The following CTNND2 variants were observed in gnomAD, a reference collection of about 807,000 sequenced individuals.
The protein encoded by CTNND2 is catenin delta-2.
A neutral mutation model predicts 144.4 loss-of-function variants in CTNND2; 22 were observed. The observed-to-expected ratio is 0.15, with a 90% CI of 0.11 to 0.22. The LOEUF (loss-of-function observed/expected upper bound fraction) is 0.22. Among genes scored for constraint, CTNND2 ranks in the 10% least tolerant of loss-of-function variants. The probability of loss-of-function intolerance (pLI) is 1.00; values close to 1 mark genes in which losing one functional copy is unlikely to be tolerated. For missense variants in CTNND2, 1,353 were observed against 1,618.8 expected (o/e 0.84, Z 2.82); for synonymous variants, 751 against 695.6 (o/e 1.08, Z -1.25).
At chr5:11,049,006 C>A (rs1420854500) in intron 16 of CTNND2, among the ~76,000 whole-genome samples, 1 of 152,158 alleles carries the variant, frequency 6.6e-6, no homozygotes, top group African/African-American at 2.4e-5. Context: ...CCAGTTGTGA[C>A]AACAAAAAAT....
At chr5:11,777,643 T>C (rs1440944864) in intron 1 of CTNND2, among the ~76,000 whole-genome samples, 1 of 152,114 alleles carries the variant, frequency 6.6e-6, no homozygotes, top group African/African-American at 2.4e-5. Flanking sequence ...TTGGGGACTG[T>C]GCCTAAAGCA....
rs1211080398 is a variant in CTNND2 at position 11,368,659 on chromosome 5, T to C, written c.1178-3769A>G. On this transcript the variant is annotated intron_variant, in intron 7 of 21. Coordinates refer to ENST00000304623, the MANE Select transcript of CTNND2 (RefSeq NM_001332.4). The stretch of plus-strand genomic sequence containing the variant: ...GCCTCAGGGTGTTGATGTTCAATAG[T>C]TTGAGGTAAACAGAAATGGTATCTA... 3.9e-5 allele frequency among the ~76,000 whole-genome samples: 6 copies of C among 152,308 alleles called. No individual in the cohort carries two copies. The East Asian group carries it at 1.2e-3, about 29-fold the overall frequency.
intron 3 of CTNND2, among the ~76,000 whole-genome samples, chr5:11,489,983 C>A (rs1031115213): frequency 6.6e-6 from 1 of 152,138 alleles, no homozygotes; most frequent in African/African-American, 2.4e-5. Context: ...GCAGCCAGCC[C>A]AGTACCACTC....
At chr5:11,134,488 A>G (rs1419722832) in intron 12 of CTNND2, among the ~76,000 whole-genome samples, 1 of 152,214 alleles carries the variant, frequency 6.6e-6, no homozygotes, top group Non-Finnish European at 1.5e-5. Context: ...CGTTTGTGGT[A>G]ATTTGTTATG....
At chr5:11,312,273 A>AC (rs962538678) in intron 9 of CTNND2, among the ~76,000 whole-genome samples, 21 of 126,894 alleles carry the variant, frequency 1.7e-4, no homozygotes, top group Non-Finnish European at 2.5e-4. Flanking sequence ...CTCTCCCCCT[A>AC]CCCCCCCAAC....
At chr5:11,206,187 AACTGGATTT>A (rs199898432) in intron 10 of CTNND2, among the ~76,000 whole-genome samples, 1,940 of 152,318 alleles carry the variant, frequency 0.013, 13 homozygotes, top group Admixed American at 0.018. Context: ...TAACTTTATA[AACTGGATTT>A]AGGATGTACG....
intron 1 of CTNND2, among the ~76,000 whole-genome samples, chr5:11,850,077 T>C (rs998378890): frequency 2.6e-5 from 4 of 151,830 alleles, no homozygotes; most frequent in African/African-American, 7.3e-5. Flanking sequence ...TAAAGTATAA[T>C]AAAAAAACAG....
chr5:11,619,333 G>A lies in CTNND2; in HGVS notation c.175-54277C>T, dbSNP rs576903185. Among the ~76,000 whole-genome samples the A allele has an allele frequency of 1.4e-4, 22 of 152,222 alleles. No homozygotes were observed. In the East Asian group the frequency reaches 1.7e-3, roughly 12 times the overall value. On this transcript the variant is annotated intron_variant, in intron 2 of 21. Transcript: ENST00000304623. Reference sequence around the variant, plus strand: ...TGAGGCATGAGAATCACTTGAACCCGGCAGGCAGAGGTTGCATTGAGCTGA... The same window carrying A: ...TGAGGCATGAGAATCACTTGAACCCAGCAGGCAGAGGTTGCATTGAGCTGA...
intron 3 of CTNND2, among the ~76,000 whole-genome samples, chr5:11,530,531 G>C (rs55770406): frequency 0.41 from 62,716 of 151,982 alleles, 13,304 homozygotes; most frequent in Middle Eastern, 0.54. Flanking sequence ...TTTGGGGACA[G>C]GCACAGCCAG....
intron 5 of CTNND2, among the ~76,000 whole-genome samples, chr5:11,398,152 T>C (rs916486593): frequency 3.3e-5 from 5 of 152,180 alleles, no homozygotes; most frequent in African/African-American, 7.2e-5. Context: ...CTTTGTACCA[T>C]AGTACAAAGT....
intron 20 of CTNND2, among the ~76,000 whole-genome samples, chr5:10,983,096 AG>A (rs574856639): frequency 0.014 from 2,107 of 152,324 alleles, 19 homozygotes; most frequent in Non-Finnish European, 0.022. Context: ...ATAGCACCAT[AG>A]GGCAACCATA....
At chr5:11,519,672 T>C (rs932304348) in intron 3 of CTNND2, among the ~76,000 whole-genome samples, 1 of 152,142 alleles carries the variant, frequency 6.6e-6, no homozygotes, top group Non-Finnish European at 1.5e-5. Flanking sequence ...CATCTCCTCA[T>C]ACCAGTGTAT....
At chr5:11,549,826 T>C (rs1352988167) in intron 3 of CTNND2, among the ~76,000 whole-genome samples, 3 of 152,184 alleles carry the variant, frequency 2.0e-5, no homozygotes, top group Non-Finnish European at 4.4e-5. Context: ...CACATATTAC[T>C]ACATATTAAT....
At chr5:11,327,392 G>A (rs1271956801) in intron 9 of CTNND2, among the ~76,000 whole-genome samples, 2 of 152,196 alleles carry the variant, frequency 1.3e-5, no homozygotes, top group Non-Finnish European at 2.9e-5. Flanking sequence ...TGAAAGGCAA[G>A]TTGAAACTTT....
chr5:11,311,211 TGCCC>T, intron 9 of CTNND2, among the ~76,000 whole-genome samples: 1 of 138,142 alleles, frequency 7.2e-6, no homozygotes. Flanking sequence ...TCACCCCACA[TGCCC>T]TCACACTTCC....
intron 12 of CTNND2, among the ~76,000 whole-genome samples, chr5:11,129,702 G>C (rs1269430877): frequency 6.6e-6 from 1 of 152,038 alleles, no homozygotes; most frequent in Non-Finnish European, 1.5e-5. Flanking sequence ...TTGGCATTCT[G>C]TATCTGTCTA....
intron 1 of CTNND2, among the ~76,000 whole-genome samples, chr5:11,822,331 GAGA>G (rs1471412884): frequency 6.6e-6 from 1 of 152,158 alleles, no homozygotes; most frequent in Non-Finnish European, 1.5e-5. Context: ...ACCTTTGGTT[GAGA>G]AGAAGTTTTA....
chr5:10,997,622 C>G (rs1739496142), intron 18 of CTNND2, among the ~76,000 whole-genome samples: 1 of 151,506 alleles, frequency 6.6e-6, no homozygotes, highest in Non-Finnish European at 1.5e-5. Context: ...AAATCCCTGT[C>G]TTTTGAAGGA....
intron 8 of CTNND2, among the ~76,000 whole-genome samples, chr5:11,348,857 AATTAATTAAG>A (rs1755063435): frequency 6.6e-6 from 1 of 152,314 alleles, no homozygotes; most frequent in East Asian, 1.9e-4. Flanking sequence ...TGGGAAATTC[AATTAATTAAG>A]CAGAAACAGG....
Sources: gnomAD v4.1 joint callset for allele counts (sites outside exome capture counted in the v4.1 genomes callset) on GRCh38, gnomAD v4.1.1 for gene constraint, MANE v1.5 for transcripts, NCBI Gene and HGNC (gene_info 2026-07-23, HGNC 2026-07-21) for gene names.